Variants in SLC4A8 observed in about 807,000 individuals in gnomAD.
SLC4A8 encodes solute carrier family 4 member 8, also known as electroneutral sodium bicarbonate exchanger 1.
Under a neutral mutation model 125.0 loss-of-function variants are expected in SLC4A8, and 40 were observed. That is an observed-to-expected ratio of 0.32 (90% confidence interval 0.25 to 0.42). SLC4A8 has a LOEUF of 0.42. Ranked by LOEUF, SLC4A8 falls within the 10% of genes least tolerant of loss-of-function variation. SLC4A8 has a pLI of 1.00. For synonymous variants in SLC4A8, 456 were observed against 476.0 expected, an observed-to-expected ratio of 0.96 and a Z score of 0.55; for missense variants, 863 against 1,355.1, an observed-to-expected ratio of 0.64 and a Z score of 5.70.
chr12:51,409,525 A>G (rs1356246776), intron 1 of SLC4A8, among the ~76,000 whole-genome samples: 3 of 152,100 alleles, frequency 2.0e-5, no homozygotes, highest in African/African-American at 7.2e-5. Flanking sequence ...ACAATAATAT[A>G]ATTTAATCTC....
At chr12:51,393,925 G>A (rs1948210023) in intron 1 of SLC4A8, among the ~76,000 whole-genome samples, 1 of 152,210 alleles carries the variant, frequency 6.6e-6, no homozygotes, top group African/African-American at 2.4e-5. Context: ...CTTGACAGCT[G>A]TCTTTCTCAG....
At chr12:51,392,422 A>C (rs957282010) in intron 1 of SLC4A8, among the ~76,000 whole-genome samples, 1 of 151,512 alleles carries the variant, frequency 6.6e-6, no homozygotes, top group African/African-American at 2.4e-5. Context: ...AAATACAAGA[A>C]ATTAGCTGGG....
intron 1 of SLC4A8, 129 bp downstream of exon 1, chr12:51,425,164 A>T: frequency 7.0e-7 from 1 of 1,435,258 alleles, no homozygotes; most frequent in South Asian, 1.5e-5. Flanking sequence ...AGGGGAGGCC[A>T]GCCCGGGACA....
At chr12:51,454,504 G>A (rs1204884079) in intron 5 of SLC4A8, among the ~76,000 whole-genome samples, 1 of 133,208 alleles carries the variant, frequency 7.5e-6, no homozygotes, top group East Asian at 2.2e-4. Flanking sequence ...ATGTGTCAGG[G>A]TCACAAGACA....
At chr12:51,488,912 C>T (rs775673027) in intron 18 of SLC4A8, 52 bp downstream of exon 18, 21 of 1,518,334 alleles carry the variant, frequency 1.4e-5, no homozygotes, top group African/African-American at 6.9e-5. Context: ...GTTACATTTT[C>T]GTAAAATTTT....
At chr12:51,406,750 G>A (rs971460164) in intron 1 of SLC4A8, among the ~76,000 whole-genome samples, 1 of 152,218 alleles carries the variant, frequency 6.6e-6, no homozygotes, top group Non-Finnish European at 1.5e-5. Flanking sequence ...CAGGTCTGTG[G>A]CCCTCTGAGG....
intron 2 of SLC4A8, chr12:51,441,085 T>C: frequency 9.4e-7 from 1 of 1,059,436 alleles, no homozygotes; most frequent in South Asian, 4.4e-5. Context: ...TGTGATGTAC[T>C]CAGTTCAGTG....
chr12:51,474,246 G>T (rs2138323823), intron 14 of SLC4A8, 96 bp from the exon 15 acceptor site: 1 of 723,140 alleles, frequency 1.4e-6, no homozygotes, highest in East Asian at 2.6e-5. Flanking sequence ...GAAGCAGCAA[G>T]GCAGCTCCTG....
At position 51,433,934 on chromosome 12, in the gene SLC4A8, G is replaced by A. The variant is rs371647032; in HGVS notation, c.49-6774G>A. On this transcript the variant is annotated intron_variant, in intron 1 of 24. Transcript: ENST00000453097. ...TCCGTTGGCCATGCTGGAGTTCAGC[G>A]TACAAACACGGCTCATTAGAGCCTC... is the stretch of plus-strand genomic sequence containing the variant. Among the ~76,000 whole-genome samples the A allele has an allele frequency of 5.1e-4, 75 of 147,374 alleles. 1 individual carries two copies. In the South Asian group the frequency reaches 0.016, roughly 31 times the overall value.
intron 21 of SLC4A8, among the ~76,000 whole-genome samples, chr12:51,495,470 C>CTTTT (rs3028942): frequency 0.011 from 839 of 76,236 alleles, 1 homozygote; most frequent in Non-Finnish European, 0.014. Flanking sequence ...TTTCTTTCTT[C>CTTTT]TTTTTTTTTT....
rs1938473712 is a variant in SLC4A8 at position 51,514,664 on chromosome 12, G to A, written c.*7226G>A. ...TGTAAGCAGAAAAGCACATCTCAAA[G>A]CCAAATAGAAATGATTTTCTACTAA... On this transcript the variant is annotated 3_prime_UTR_variant, in exon 25 of 25. Transcript: ENST00000453097. 6.6e-6 allele frequency: 1 copy of A among 152,130 alleles called. No homozygotes were observed. Among genetic ancestry groups the A allele is most frequent in the Non-Finnish European group, 1.5e-5 (1 of 68,032 alleles). 9.4% of individuals were successfully genotyped at this position (152,130 alleles called of 1,614,324 possible).
At chr12:51,469,568 A>G in intron 11 of SLC4A8, 46 bp from the exon 12 acceptor site, 1 of 1,556,840 alleles carries the variant, frequency 6.4e-7, no homozygotes, top group Non-Finnish European at 8.8e-7. Context: ...ACATGCTTTT[A>G]GGGAAGACGG....
Position 51,497,143 on chromosome 12 carries a change from A to G in SLC4A8, c.3081+19A>G, listed in dbSNP as rs776149894. ...GGAAGAGGTCATAGTCCTTGCACCA[A>G]CTGTATACCTGGGGGCCTCAAATTA... On this transcript the variant is annotated intron_variant, in intron 22 of 24. Transcript: ENST00000453097. 1.2e-5 allele frequency: 19 copies of G among 1,597,214 alleles called. No individual in the cohort carries two copies. Among genetic ancestry groups the G allele is most frequent in the South Asian group, 6.9e-5 (6 of 87,110 alleles).
chr12:51,450,735 C>A, intron 2 of SLC4A8, 141 bp from the exon 3 acceptor site: 1 of 866,700 alleles, frequency 1.2e-6, no homozygotes, highest in Non-Finnish European at 1.8e-6. Context: ...TCCTGGAAGT[C>A]TTTGAAGTTT....
At chr12:51,470,018 T>A (rs1950645684) in intron 12 of SLC4A8, among the ~76,000 whole-genome samples, 1 of 152,158 alleles carries the variant, frequency 6.6e-6, no homozygotes, top group Admixed American at 6.5e-5. Flanking sequence ...CAGTTGAATT[T>A]TCTGTTGCCT....
intron 19 of SLC4A8, among the ~76,000 whole-genome samples, chr12:51,493,396 G>T (rs1166684482): frequency 1.3e-5 from 2 of 152,072 alleles, no homozygotes; most frequent in African/African-American, 2.4e-5. Flanking sequence ...GTGTGTGTGT[G>T]TGTGTGTGTT....
intron 16 of SLC4A8, among the ~76,000 whole-genome samples, chr12:51,479,743 T>C (rs1018023112): frequency 2.4e-4 from 36 of 148,916 alleles, no homozygotes; most frequent in Non-Finnish European, 3.6e-4. Flanking sequence ...TTGAGCAAAA[T>C]ACATATTTTA....
At chr12:51,470,719 T>A (rs921384058) in intron 13 of SLC4A8, among the ~76,000 whole-genome samples, 194 bp downstream of exon 13, 3 of 152,232 alleles carry the variant, frequency 2.0e-5, no homozygotes, top group Non-Finnish European at 2.9e-5. Context: ...CTCCTATTGT[T>A]AAAGAGCTTG....
intron 13 of SLC4A8, among the ~76,000 whole-genome samples, chr12:51,470,859 GT>G (rs564827479): frequency 2.6e-4 from 34 of 129,484 alleles, no homozygotes; most frequent in South Asian, 2.6e-3. Context: ...TCCCCCTGCT[GT>G]TTTTTTTTGT....
Sources: allele counts gnomAD v4.1 joint callset (sites outside exome capture counted in the v4.1 genomes callset), GRCh38; gene constraint gnomAD v4.1.1; transcripts MANE v1.5; gene names NCBI Gene and HGNC (gene_info 2026-07-23, HGNC 2026-07-21).